FRMPD4: variants seen among roughly 807,000 people sequenced by gnomAD.
FRMPD4 encodes FERM and PDZ domain containing 4.
FRMPD4 carries 22 observed loss-of-function variants against 94.1 expected under a neutral mutation model. The observed-to-expected ratio is 0.23, with a 90% CI of 0.17 to 0.33. The LOEUF (loss-of-function observed/expected upper bound fraction) is 0.33. FRMPD4 is among the 10% of genes least tolerant of loss of function. FRMPD4 has a pLI of 1.00. For synonymous variants in FRMPD4, 631 were observed against 548.6 expected (o/e 1.15, Z -2.10); for missense variants, 1,111 against 1,339.9 (o/e 0.83, Z 2.67).
At chrX:12,531,905 A>G (rs1003147320) in intron 2 of FRMPD4, among the ~76,000 whole-genome samples, 1 of 111,052 alleles carries the variant, frequency 9.0e-6, no homozygotes, top group African/African-American at 3.3e-5. Context: ...TTTCCTCACT[A>G]TTTCTTAGCT....
intron 3 of FRMPD4, among the ~76,000 whole-genome samples, chrX:12,126,165 A>G (rs193072124): frequency 8.9e-6 from 1 of 112,291 alleles, no homozygotes; most frequent in South Asian, 3.7e-4. Context: ...CTGTAATTAG[A>G]CTGTCCTGTA....
chrX:11,844,828 T>G (rs2053564212), intron 1 of FRMPD4, among the ~76,000 whole-genome samples: 1 of 112,217 alleles, frequency 8.9e-6, no homozygotes, highest in Non-Finnish European at 1.9e-5. Context: ...GATTCTGTTA[T>G]GCACATATTT....
At chrX:12,262,417 C>T (rs1194457588) in intron 1 of FRMPD4, among the ~76,000 whole-genome samples, 1 of 111,408 alleles carries the variant, frequency 9.0e-6, no homozygotes, top group African/African-American at 3.3e-5. Flanking sequence ...TGGCCCTATA[C>T]AGATAAAGTT....
At chrX:12,287,384 T>C (rs2054616657) in intron 1 of FRMPD4, among the ~76,000 whole-genome samples, 1 of 111,035 alleles carries the variant, frequency 9.0e-6, no homozygotes, top group African/African-American at 3.3e-5. Context: ...TTGGAGACAA[T>C]GGTGATCATA....
chrX:12,077,386 A>C (rs1238692853), intron 3 of FRMPD4, among the ~76,000 whole-genome samples: 1 of 111,783 alleles, frequency 8.9e-6, no homozygotes, highest in Non-Finnish European at 1.9e-5. Context: ...CATTACTGCT[A>C]TTAGACTATA....
intron 1 of FRMPD4, among the ~76,000 whole-genome samples, chrX:11,836,686 G>T (rs1241102245): frequency 9.0e-6 from 1 of 111,647 alleles, no homozygotes; most frequent in Non-Finnish European, 1.9e-5. Context: ...GAGTTGTTTA[G>T]GGAGGAAACA....
intron 1 of FRMPD4, among the ~76,000 whole-genome samples, chrX:12,446,917 G>A (rs2057203621): frequency 9.0e-6 from 1 of 111,206 alleles, no homozygotes; most frequent in African/African-American, 3.3e-5. Context: ...GCGTTTGGTG[G>A]TTGGGGGATG....
chrX:12,464,243 T>C (rs1248053014), intron 1 of FRMPD4, among the ~76,000 whole-genome samples: 1 of 111,647 alleles, frequency 9.0e-6, no homozygotes, highest in Non-Finnish European at 1.9e-5. Context: ...TGGGGAGACC[T>C]CATAGCCAGG....
At chrX:12,085,643 A>G (rs1053140341) in intron 3 of FRMPD4, among the ~76,000 whole-genome samples, 2 of 112,277 alleles carry the variant, frequency 1.8e-5, no homozygotes, top group Non-Finnish European at 3.8e-5. Context: ...AGACTGAGGC[A>G]GGAGGCTTAT....
chrX:12,530,615 A>T, intron 2 of FRMPD4, among the ~76,000 whole-genome samples: 1 of 110,915 alleles, frequency 9.0e-6, no homozygotes, highest in Non-Finnish European at 1.9e-5. Context: ...CAAAATCAGG[A>T]GATGTTTTAG....
At chrX:11,922,067 T>G in intron 3 of FRMPD4, among the ~76,000 whole-genome samples, 1 of 112,049 alleles carries the variant, frequency 8.9e-6, no homozygotes, top group Non-Finnish European at 1.9e-5. Flanking sequence ...TGATGAGAAT[T>G]AATGATGTGG....
At chrX:12,447,898 T>A (rs956021906) in intron 1 of FRMPD4, among the ~76,000 whole-genome samples, 3 of 112,224 alleles carry the variant, frequency 2.7e-5, no homozygotes, top group African/African-American at 9.7e-5. Flanking sequence ...AGTGTTGCCT[T>A]CGAACATCTG....
rs201278047 is a variant in FRMPD4 at position 12,686,253 on chromosome X, T to C, written c.681+49T>C. 124 of 587,616 alleles carry C rather than the reference T, an allele frequency of 2.1e-4. 1 individual carries two copies. In the East Asian group the frequency reaches 3.3e-3, roughly 16 times the overall value. The allele number at this position is 587,616 out of a possible 1,213,427, so 48.4% of individuals were successfully genotyped here. A position where few individuals can be genotyped will look rare whatever the true frequency, so the allele number is the denominator to read the frequency against. ...TCCCTGGACGCTTTCAGGTACAACATGCAGGACACTGTGAGCCATTGTAGC... is the reference window on the plus strand; with the variant it reads ...TCCCTGGACGCTTTCAGGTACAACACGCAGGACACTGTGAGCCATTGTAGC... On this transcript the variant is annotated intron_variant, in intron 7 of 16. Transcript: ENST00000675598.
At chrX:12,573,529 T>C (rs2058780137) in intron 2 of FRMPD4, among the ~76,000 whole-genome samples, 1 of 112,201 alleles carries the variant, frequency 8.9e-6, no homozygotes, top group Non-Finnish European at 1.9e-5. Context: ...ACAGTGGTAA[T>C]ATGGAGCCAT....
intron 1 of FRMPD4, among the ~76,000 whole-genome samples, chrX:11,827,537 C>A (rs1206556837): frequency 9.0e-6 from 1 of 111,206 alleles, no homozygotes; most frequent in Non-Finnish European, 1.9e-5. Flanking sequence ...TACCAAGTAG[C>A]AAGACTTCTA....
At chrX:11,979,950 T>C (rs754886828) in intron 3 of FRMPD4, among the ~76,000 whole-genome samples, 9 of 111,951 alleles carry the variant, frequency 8.0e-5, no homozygotes, top group Non-Finnish European at 3.8e-5. Context: ...ATAAAGCTTT[T>C]CTCTATTTGC....
chrX:11,977,186 C>A (rs1310290644), intron 3 of FRMPD4, among the ~76,000 whole-genome samples: 2 of 111,502 alleles, frequency 1.8e-5, no homozygotes, highest in Admixed American at 9.5e-5. Context: ...AAACTCTGAG[C>A]AAATGGCTGC....
intron 3 of FRMPD4, among the ~76,000 whole-genome samples, chrX:12,077,977 C>T (rs182711505): frequency 8.9e-6 from 1 of 112,234 alleles, no homozygotes; most frequent in Non-Finnish European, 1.9e-5. Flanking sequence ...GCTAGGTCCT[C>T]TGCTCAAGAC....
chrX:12,280,967 T>C lies in FRMPD4; in HGVS notation c.41+141955T>C, dbSNP rs2054515333. Among the ~76,000 whole-genome samples, 3 of 112,202 alleles carry C rather than the reference T, an allele frequency of 2.7e-5. No individual in the cohort carries two copies. In the Admixed American group the frequency reaches 2.8e-4, roughly 11 times the overall value. On this transcript the variant is annotated intron_variant, in intron 1 of 16. Coordinates refer to ENST00000675598, the MANE Select transcript of FRMPD4 (RefSeq NM_001368397.1). The stretch of plus-strand genomic sequence containing the variant: ...GTCCTGATACTGCTCCCTGGGTATC[T>C]TCTCTCTCAGACTGTACCAATATTT...
Sources: gnomAD v4.1 joint callset for allele counts (sites outside exome capture counted in the v4.1 genomes callset) on GRCh38, gnomAD v4.1.1 for gene constraint, MANE v1.5 for transcripts, NCBI Gene and HGNC (gene_info 2026-07-23, HGNC 2026-07-21) for gene names.